Variants in CDH13 observed in about 807,000 individuals in gnomAD.
CDH13 encodes cadherin 13, also known as cadherin-13.
CDH13 carries 24 observed loss-of-function variants against 63.8 expected under a neutral mutation model. The observed-to-expected ratio is 0.38, with a 90% CI of 0.27 to 0.53. CDH13 has a LOEUF of 0.53. Among genes scored for constraint, CDH13 ranks in the 20% least tolerant of loss-of-function variants. The pLI, the probability that CDH13 is intolerant of heterozygous loss-of-function variation, is 0.85. For synonymous variants in CDH13, 503 were observed against 355.3 expected, an observed-to-expected ratio of 1.42 and a Z score of -4.67; for missense variants, 1,049 against 903.1, an observed-to-expected ratio of 1.16 and a Z score of -2.07.
intron 1 of CDH13, among the ~76,000 whole-genome samples, chr16:82,848,472 T>C (rs1430438640): frequency 6.6e-6 from 1 of 152,228 alleles, no homozygotes; most frequent in East Asian, 1.9e-4. Context: ...CTCTGTCTCA[T>C]GTTTTGATAA....
At chr16:82,800,571 C>A (rs925095775) in intron 1 of CDH13, among the ~76,000 whole-genome samples, 1 of 152,166 alleles carries the variant, frequency 6.6e-6, no homozygotes, top group African/African-American at 2.4e-5. Flanking sequence ...GGGCTCATAA[C>A]CCATAAAAGT....
In CDH13 at chr16:83,326,176, T is replaced by A. The variant is rs79817251; in HGVS notation, c.637-18686T>A. Reference sequence around the variant, plus strand: ...TTATTCATCTTTCCAGAACATGAGATTTTTTTCCTCTTTTTAACCAGAATT... The same window carrying A: ...TTATTCATCTTTCCAGAACATGAGAATTTTTTCCTCTTTTTAACCAGAATT... On this transcript the variant is annotated intron_variant, in intron 5 of 13. Coordinates refer to ENST00000567109, the MANE Select transcript of CDH13 (RefSeq NM_001257.5). Among the ~76,000 whole-genome samples the A allele has an allele frequency of 2.1e-3, 322 of 152,226 alleles. 2 individuals carry two copies. Among genetic ancestry groups the A allele is most frequent in the African/African-American group, 7.3e-3 (303 of 41,544 alleles).
intron 8 of CDH13, among the ~76,000 whole-genome samples, chr16:83,616,564 G>C (rs979961630): frequency 1.3e-5 from 2 of 151,582 alleles, no homozygotes; most frequent in Non-Finnish European, 2.9e-5. Flanking sequence ...TCTATTCAAA[G>C]ATAATATCCT....
intron 1 of CDH13, among the ~76,000 whole-genome samples, chr16:82,840,332 C>CT (rs910786931): frequency 1.3e-5 from 2 of 150,966 alleles, no homozygotes; most frequent in Non-Finnish European, 1.5e-5. Flanking sequence ...TAAAATGTCT[C>CT]TGCCTTCAAA....
intron 6 of CDH13, among the ~76,000 whole-genome samples, chr16:83,418,506 G>T (rs75562425): frequency 0.029 from 4,464 of 152,222 alleles, 86 homozygotes; most frequent in East Asian, 0.12. Context: ...TGTTCCTATA[G>T]CTATGGGGAC....
At position 83,232,165 on chromosome 16, in the gene CDH13, G is replaced by C. The variant is rs148367414; in HGVS notation, c.636+14668G>C. On this transcript the variant is annotated intron_variant, in intron 5 of 13. Coordinates refer to ENST00000567109, the MANE Select transcript of CDH13 (RefSeq NM_001257.5). Reference sequence around the variant, plus strand: ...AAACCCCCATGACACAAGTTTGCCTGTGTAACAAGCCTGCCCTTGTACCCT... The same window carrying C: ...AAACCCCCATGACACAAGTTTGCCTCTGTAACAAGCCTGCCCTTGTACCCT... Among the ~76,000 whole-genome samples, 1,015 of 142,486 alleles carry C rather than the reference G, an allele frequency of 7.1e-3. 13 individuals carry two copies. The highest frequency in any genetic ancestry group is 0.025 in the African/African-American group (952 of 37,924). 93.5% of individuals were successfully genotyped at this position (142,486 alleles called of 152,430 possible). A position where few individuals can be genotyped will look rare whatever the true frequency, so the allele number is the denominator to read the frequency against.
chr16:83,174,053 G>C (rs1255605702), intron 4 of CDH13, among the ~76,000 whole-genome samples: 2 of 150,254 alleles, frequency 1.3e-5, no homozygotes, highest in East Asian at 3.9e-4. Flanking sequence ...ATGGGGAACA[G>C]ATGCAGATAA....
At chr16:82,715,085 G>T (rs2032266313) in intron 1 of CDH13, among the ~76,000 whole-genome samples, 1 of 148,982 alleles carries the variant, frequency 6.7e-6, no homozygotes, top group Admixed American at 6.9e-5. Flanking sequence ...GCAGCACTGG[G>T]AACTTAGACA....
intron 1 of CDH13, among the ~76,000 whole-genome samples, chr16:82,691,605 T>C (rs146525326): frequency 5.3e-5 from 8 of 152,292 alleles, no homozygotes; most frequent in South Asian, 2.1e-4. Context: ...GTCCTTCTTA[T>C]AGATCCACTC....
chr16:83,431,590 C>T (rs1020859414), intron 6 of CDH13, among the ~76,000 whole-genome samples: 2 of 152,124 alleles, frequency 1.3e-5, no homozygotes, highest in African/African-American at 2.4e-5. Flanking sequence ...AAACACAATG[C>T]TGGCATCTTC....
chr16:82,885,863 A>G (rs1330229081), intron 2 of CDH13, among the ~76,000 whole-genome samples: 1 of 152,166 alleles, frequency 6.6e-6, no homozygotes, highest in African/African-American at 2.4e-5. Flanking sequence ...TTATGTCAGG[A>G]TTTAATGATA....
intron 7 of CDH13, among the ~76,000 whole-genome samples, chr16:83,563,613 C>G (rs2075744134): frequency 1.3e-5 from 2 of 152,118 alleles, no homozygotes; most frequent in Non-Finnish European, 2.9e-5. Flanking sequence ...CCTTACGAAT[C>G]CTTTTGACTG....
At chr16:83,470,647 C>T (rs1024467950) in intron 6 of CDH13, among the ~76,000 whole-genome samples, 4 of 152,098 alleles carry the variant, frequency 2.6e-5, no homozygotes, top group African/African-American at 7.2e-5. Flanking sequence ...TCTTCTACCC[C>T]TTCTGCTGCT....
intron 6 of CDH13, among the ~76,000 whole-genome samples, chr16:83,459,837 C>A (rs2073129541): frequency 6.6e-6 from 1 of 152,154 alleles, no homozygotes; most frequent in Admixed American, 6.5e-5. Flanking sequence ...GGAGTATGAG[C>A]ATTGTAGTTT....
At chr16:83,557,744 C>G (rs1162041942) in intron 7 of CDH13, among the ~76,000 whole-genome samples, 1 of 152,042 alleles carries the variant, frequency 6.6e-6, no homozygotes, top group Non-Finnish European at 1.5e-5. Context: ...TGGTTGGTAC[C>G]TTTCATCTCA....
At chr16:82,926,235 A>G (rs1287168792) in intron 2 of CDH13, among the ~76,000 whole-genome samples, 1 of 151,992 alleles carries the variant, frequency 6.6e-6, no homozygotes, top group Admixed American at 6.5e-5. Context: ...CACCCTAGAC[A>G]ATATTTAAAA....
At chr16:83,232,209 CTTT>C (rs1555516431) in intron 5 of CDH13, among the ~76,000 whole-genome samples, 15 of 68,852 alleles carry the variant, frequency 2.2e-4, no homozygotes, top group Admixed American at 8.3e-4. Context: ...AAAGTGTTTT[CTTT>C]TTTTTTTTTT....
chr16:82,824,127 C>T (rs1462082996), intron 1 of CDH13: 2 of 152,040 alleles, frequency 1.3e-5, no homozygotes, highest in Admixed American at 1.3e-4. Context: ...TTAAAGAAGC[C>T]AGTATGAGTA....
chr16:83,563,276 C>T (rs1366149711), intron 7 of CDH13, among the ~76,000 whole-genome samples: 2 of 152,166 alleles, frequency 1.3e-5, no homozygotes, highest in Admixed American at 1.3e-4. Flanking sequence ...ATTATTAACT[C>T]GGAGTGAATG....
Sources: gnomAD v4.1 joint callset for allele counts (sites outside exome capture counted in the v4.1 genomes callset) on GRCh38, gnomAD v4.1.1 for gene constraint, MANE v1.5 for transcripts, NCBI Gene and HGNC (gene_info 2026-07-23, HGNC 2026-07-21) for gene names.